Variants in NDFIP2 observed in about 807,000 individuals in gnomAD.
NDFIP2 encodes Nedd4 family interacting protein 2.
In NDFIP2, 19 loss-of-function variants were observed where a neutral mutation model predicts 36.0. The ratio of observed to expected loss-of-function variants is 0.53; its 90% CI spans 0.37 to 0.77. The LOEUF (loss-of-function observed/expected upper bound fraction) is 0.77, where lower values mean the gene tolerates loss of function less well. Ranked by LOEUF, NDFIP2 falls within the 30% of genes least tolerant of loss-of-function variation. The probability of loss-of-function intolerance (pLI) is 0.00; values close to 1 mark genes in which losing one functional copy is unlikely to be tolerated. For synonymous variants in NDFIP2, 181 were observed against 167.7 expected, an observed-to-expected ratio of 1.08 and a Z score of -0.61; for missense variants, 446 against 435.8, an observed-to-expected ratio of 1.02 and a Z score of -0.21.
Position 79,550,715 on chromosome 13 carries a change from G to A in NDFIP2, c.908-302G>A, listed in dbSNP as rs1435758073. Among the ~76,000 whole-genome samples, 5 of 151,502 alleles carry A rather than the reference G, an allele frequency of 3.3e-5. 1 individual carries two copies. Among genetic ancestry groups the A allele is most frequent in the African/African-American group, 1.2e-4 (5 of 41,378 alleles). On this transcript the variant is annotated intron_variant, in intron 6 of 7. Coordinates refer to ENST00000218652, the MANE Select transcript of NDFIP2 (RefSeq NM_019080.3). ...GTTTTTATGAGTTGAATCAGTTTAA[G>A]TGCGTCAGGTAACTTTACTATTGAA...
chr13:79,499,826 T>G (rs1423808826), intron 1 of NDFIP2, among the ~76,000 whole-genome samples: 1 of 151,934 alleles, frequency 6.6e-6, no homozygotes, highest in Non-Finnish European at 1.5e-5. Flanking sequence ...AAATCCAAAT[T>G]AAAATCCAAG....
intron 5 of NDFIP2, among the ~76,000 whole-genome samples, chr13:79,547,610 C>T (rs1292511394): frequency 6.6e-6 from 1 of 152,072 alleles, no homozygotes; most frequent in Non-Finnish European, 1.5e-5. Context: ...GAAAGGATAA[C>T]TGTGTCCAAT....
At chr13:79,481,576 C>A in intron 1 of NDFIP2, 52 bp downstream of exon 1, 1 of 1,498,098 alleles carries the variant, frequency 6.7e-7, no homozygotes, top group South Asian at 1.3e-5. Flanking sequence ...CCGCGGCGTC[C>A]CGAGAGTCCC....
intron 1 of NDFIP2, among the ~76,000 whole-genome samples, chr13:79,485,524 A>C (rs1380530821): frequency 6.6e-6 from 1 of 151,614 alleles, no homozygotes; most frequent in African/African-American, 2.4e-5. Flanking sequence ...ACCTTTCCTT[A>C]CTCTCTAGTT....
chr13:79,538,970 G>C (rs1875353333), intron 3 of NDFIP2, among the ~76,000 whole-genome samples: 1 of 152,206 alleles, frequency 6.6e-6, no homozygotes, highest in South Asian at 2.1e-4. Context: ...TGCCCCTGAG[G>C]CTTTGCAGTG....
chr13:79,507,812 T>G (rs1475521706), intron 1 of NDFIP2, among the ~76,000 whole-genome samples: 1 of 152,020 alleles, frequency 6.6e-6, no homozygotes, highest in Non-Finnish European at 1.5e-5. Context: ...TCTTGCTGTA[T>G]TTGTTTGAGA....
intron 1 of NDFIP2, among the ~76,000 whole-genome samples, chr13:79,489,210 G>C (rs1210201493): frequency 1.3e-5 from 2 of 152,164 alleles, no homozygotes; most frequent in Non-Finnish European, 2.9e-5. Flanking sequence ...TTTGGGGCTT[G>C]GTTGGGTTGG....
intron 1 of NDFIP2, among the ~76,000 whole-genome samples, chr13:79,484,763 C>T (rs756292216): frequency 6.6e-5 from 10 of 152,124 alleles, no homozygotes; most frequent in African/African-American, 1.2e-4. Flanking sequence ...TGACTATTAA[C>T]GGGTAAAAAA....
intron 2 of NDFIP2, among the ~76,000 whole-genome samples, chr13:79,533,000 T>C (rs569229987): frequency 6.6e-6 from 1 of 152,234 alleles, no homozygotes; most frequent in Admixed American, 6.5e-5. Flanking sequence ...TGCATACTAA[T>C]AAGCACATAG....
intron 2 of NDFIP2, 72 bp from the exon 3 acceptor site, chr13:79,533,251 T>C (rs1466175296): frequency 4.8e-6 from 7 of 1,465,312 alleles, no homozygotes; most frequent in Non-Finnish European, 6.5e-6. Context: ...CAGTTGTAAA[T>C]TATTAAGTCA....
intron 1 of NDFIP2, 48 bp downstream of exon 1, chr13:79,481,572 C>A: frequency 1.3e-6 from 2 of 1,506,976 alleles, no homozygotes; most frequent in Non-Finnish European, 8.9e-7. Flanking sequence ...CCCGCCGCGG[C>A]GTCCCGAGAG....
chr13:79,533,256 A>T, intron 2 of NDFIP2, 67 bp from the exon 3 acceptor site: 1 of 1,480,670 alleles, frequency 6.8e-7, no homozygotes, highest in Non-Finnish European at 9.1e-7. Context: ...GTAAATTATT[A>T]AGTCATGGCT....
chr13:79,546,915 C>T (rs1488069553), intron 5 of NDFIP2, among the ~76,000 whole-genome samples: 1 of 152,016 alleles, frequency 6.6e-6, no homozygotes, highest in Non-Finnish European at 1.5e-5. Flanking sequence ...TAGTACCATC[C>T]TGTATAAGCT....
rs559435638 is a variant in NDFIP2, at chr13:79,487,642, A to G, written c.321+6118A>G. 7.9e-5 allele frequency among the ~76,000 whole-genome samples: 12 copies of G among 152,268 alleles called. No homozygotes were observed. In the South Asian group the frequency reaches 2.3e-3, roughly 29 times the overall value. ...GACTTTTTTCCAAAGTCATTATGCC[A>G]TTTTACACTTCCACCATCAATGTAT... On this transcript the variant is annotated intron_variant, in intron 1 of 7. Coordinates refer to ENST00000218652, the MANE Select transcript of NDFIP2 (RefSeq NM_019080.3).
At chr13:79,529,298 A>T (rs1874918694) in intron 2 of NDFIP2, among the ~76,000 whole-genome samples, 1 of 152,188 alleles carries the variant, frequency 6.6e-6, no homozygotes, top group African/African-American at 2.4e-5. Flanking sequence ...GTAGCAATTG[A>T]GTTTTCCTAC....
chr13:79,516,511 A>G (rs1874340318), intron 1 of NDFIP2, among the ~76,000 whole-genome samples: 1 of 152,052 alleles, frequency 6.6e-6, no homozygotes, highest in African/African-American at 2.4e-5. Flanking sequence ...GAGCCACTAC[A>G]CTCAGCCAAG....
Position 79,553,596 on chromosome 13 carries a change from T to G in NDFIP2, c.*1083T>G, listed in dbSNP as rs1185547585. On this transcript the variant is annotated 3_prime_UTR_variant, in exon 8 of 8. Transcript: ENST00000218652. ...ATAAAATCTTGTACTATGAATAGCTTCTTGCTTTATGACTTTAGGATTAAC... is the reference window on the plus strand; with the variant it reads ...ATAAAATCTTGTACTATGAATAGCTGCTTGCTTTATGACTTTAGGATTAAC... The G allele has an allele frequency of 6.6e-6, 1 of 151,920 alleles. No individual in the cohort carries two copies. Among genetic ancestry groups the G allele is most frequent in the African/African-American group, 2.4e-5 (1 of 41,408 alleles). The allele number at this position is 151,920 out of a possible 1,614,324, so 9.4% of individuals were successfully genotyped here.
chr13:79,532,761 T>C (rs1875066072), intron 2 of NDFIP2, among the ~76,000 whole-genome samples: 1 of 152,162 alleles, frequency 6.6e-6, no homozygotes, highest in Non-Finnish European at 1.5e-5. Context: ...AATTACCCCT[T>C]GTATGTTATC....
chr13:79,497,389 T>C (rs1873472627), intron 1 of NDFIP2, among the ~76,000 whole-genome samples: 2 of 151,996 alleles, frequency 1.3e-5, no homozygotes, highest in South Asian at 4.1e-4. Flanking sequence ...TATGCCTCTG[T>C]TCCTCTCCAT....
Sources: gnomAD v4.1 joint callset for allele counts (sites outside exome capture counted in the v4.1 genomes callset) on GRCh38, gnomAD v4.1.1 for gene constraint, MANE v1.5 for transcripts, NCBI Gene and HGNC (gene_info 2026-07-23, HGNC 2026-07-21) for gene names.